The following KDM7A variants were observed in gnomAD, a reference collection of about 807,000 sequenced individuals.
KDM7A encodes lysine demethylase 7A, also known as lysine-specific demethylase 7A.
Under a neutral mutation model 114.8 loss-of-function variants are expected in KDM7A, and 28 were observed. That is an observed-to-expected ratio of 0.24 (90% CI 0.18 to 0.33). The LOEUF (loss-of-function observed/expected upper bound fraction) is 0.33, where lower values mean the gene tolerates loss of function less well. Among genes scored for constraint, KDM7A ranks in the 10% least tolerant of loss-of-function variants. The pLI, the probability that KDM7A is intolerant of heterozygous loss-of-function variation, is 1.00. For missense variants in KDM7A, 942 were observed against 1,142.5 expected (o/e 0.82, Z 2.53); for synonymous variants, 423 against 397.8 (o/e 1.06, Z -0.75).
chr7:140,175,790 G>T (rs1794697680), intron 1 of KDM7A, among the ~76,000 whole-genome samples: 1 of 148,004 alleles, frequency 6.8e-6, no homozygotes, highest in African/African-American at 2.5e-5. Context: ...GCCCCGCAGC[G>T]TCCGCCCGGC....
At chr7:140,161,741 T>A (rs1794521706) in intron 1 of KDM7A, among the ~76,000 whole-genome samples, 1 of 152,014 alleles carries the variant, frequency 6.6e-6, no homozygotes, top group Non-Finnish European at 1.5e-5. Flanking sequence ...AGACGGGGTT[T>A]CACCGTGTTG....
Position 140,091,842 on chromosome 7 carries a change from G to A in KDM7A, c.2693C>T (p.Ala898Val). The change falls in exon 19 of 20, where the codon GCA (alanine) becomes GTA (valine). Residue 898 changes from alanine to valine, a missense_variant. Ala to Val is a moderately conservative substitution (Grantham distance 64, BLOSUM62 0). Transcript: ENST00000397560. The part of the protein sequence containing the change: ...SVPLHPTKRP[A>V]SNPPPISNQA... The stretch of plus-strand genomic sequence containing the variant: ...GTTGCTGATAGGTGGTGGATTTGAT[G>A]CCGGTCTCTTGGTGGGGTGAAGGGG... The A allele has an allele frequency of 1.2e-6, 2 of 1,612,624 alleles. No individual in the cohort carries two copies. The highest frequency in any genetic ancestry group is 1.7e-6 in the Non-Finnish European group (2 of 1,179,630).
In KDM7A at chr7:140,173,521, A is replaced by G. The variant is rs530536762; in HGVS notation, c.194+3223T>C. On this transcript the variant is annotated intron_variant, in intron 1 of 19. Transcript: ENST00000397560. ...AGGCAGAATAAACTAAAATTTATATATATCAAAATGCACTGATTCCTCAGT... is the reference window on the plus strand; with the variant it reads ...AGGCAGAATAAACTAAAATTTATATGTATCAAAATGCACTGATTCCTCAGT... Among the ~76,000 whole-genome samples, 5 of 152,278 alleles carry G rather than the reference A, an allele frequency of 3.3e-5. No individual in the cohort carries two copies. In the East Asian group the frequency reaches 9.6e-4, roughly 29 times the overall value.
At chr7:140,109,046 C>T (rs894981610) in intron 11 of KDM7A, among the ~76,000 whole-genome samples, 12 of 152,200 alleles carry the variant, frequency 7.9e-5, no homozygotes, top group African/African-American at 2.9e-4. Flanking sequence ...GACCAAGGCT[C>T]CGTGGGTGTG....
intron 11 of KDM7A, among the ~76,000 whole-genome samples, chr7:140,107,448 C>G (rs1818357223): frequency 6.6e-6 from 1 of 152,126 alleles, no homozygotes; most frequent in Non-Finnish European, 1.5e-5. Context: ...CCTTCAGGAG[C>G]TCTTGTAAGG....
intron 1 of KDM7A, among the ~76,000 whole-genome samples, chr7:140,143,428 A>C (rs971397190): frequency 6.6e-6 from 1 of 152,166 alleles, no homozygotes; most frequent in Admixed American, 6.5e-5. Context: ...ATTATTGATT[A>C]AACTGTAGAT....
At chr7:140,103,770 T>C (rs1209406059) in intron 11 of KDM7A, among the ~76,000 whole-genome samples, 4 of 152,232 alleles carry the variant, frequency 2.6e-5, no homozygotes, top group Admixed American at 1.3e-4. Context: ...ACAATAAACA[T>C]ACGTGTGCAT....
At chr7:140,125,152 C>T (rs1818679435) in intron 6 of KDM7A, among the ~76,000 whole-genome samples, 1 of 152,180 alleles carries the variant, frequency 6.6e-6, no homozygotes, top group Admixed American at 6.5e-5. Context: ...TACTAAGATC[C>T]ACAGCATAAT....
In KDM7A at chr7:140,176,084, G is replaced by C. The variant is rs1220468477; in HGVS notation, c.194+660C>G. On this transcript the variant is annotated intron_variant, in intron 1 of 19. Coordinates refer to ENST00000397560, the MANE Select transcript of KDM7A (RefSeq NM_030647.2). This position sits in a 1 kb window ranked among gnomAD's most constrained non-coding sequence, Gnocchi z 4.4. ...TCCCCGGCACCTTTCAAGTCCCCGAGAGCGAGTGCCTCATCTGTTGCTCTG... is the reference window on the plus strand; with the variant it reads ...TCCCCGGCACCTTTCAAGTCCCCGACAGCGAGTGCCTCATCTGTTGCTCTG... Among the ~76,000 whole-genome samples the C allele has an allele frequency of 6.6e-6, 1 of 151,936 alleles. No individual in the cohort carries two copies. The highest frequency in any genetic ancestry group is 1.5e-5 in the Non-Finnish European group (1 of 67,928).
intron 9 of KDM7A, among the ~76,000 whole-genome samples, chr7:140,115,942 C>T (rs913905736): frequency 2.0e-5 from 3 of 148,550 alleles, no homozygotes; most frequent in Non-Finnish European, 3.0e-5. Flanking sequence ...CCGATTCTAT[C>T]AATAATCAGG....
chr7:140,105,367 A>G (rs1585141801), intron 11 of KDM7A, among the ~76,000 whole-genome samples: 1 of 152,282 alleles, frequency 6.6e-6, no homozygotes, highest in East Asian at 1.9e-4. Flanking sequence ...GTCTTGTGCC[A>G]GTTTTCAAAG....
intron 17 of KDM7A, among the ~76,000 whole-genome samples, chr7:140,095,138 G>C (rs913520608): frequency 6.6e-6 from 1 of 152,142 alleles, no homozygotes; most frequent in Non-Finnish European, 1.5e-5. Context: ...GTGAACCACT[G>C]CGCCCAGTGA....
At chr7:140,112,693 A>C (rs1471846182) in intron 10 of KDM7A, among the ~76,000 whole-genome samples, 3 of 151,616 alleles carry the variant, frequency 2.0e-5, no homozygotes, top group Admixed American at 2.0e-4. Flanking sequence ...ATTATGTGCA[A>C]AGTTCCATGG....
At chr7:140,091,459 A>C (rs929884895) in intron 19 of KDM7A, among the ~76,000 whole-genome samples, 2 of 152,230 alleles carry the variant, frequency 1.3e-5, no homozygotes. Flanking sequence ...TTAGGCAACA[A>C]AACTGACTAC....
rs1194840755 is a variant in KDM7A at position 140,176,269 on chromosome 7, C to T, written c.194+475G>A. On this transcript the variant is annotated intron_variant, in intron 1 of 19. Transcript: ENST00000397560. The surrounding 1 kb of genome is among the most constrained non-coding windows in gnomAD (Gnocchi z 4.4). ...ACGCGGGGCCGGGGCGACCCCATCGCCGCCCGGAAGGAAGGCAGGCGCGTC... is the reference window on the plus strand; with the variant it reads ...ACGCGGGGCCGGGGCGACCCCATCGTCGCCCGGAAGGAAGGCAGGCGCGTC... Among the ~76,000 whole-genome samples the T allele has an allele frequency of 2.0e-5, 3 of 150,300 alleles. No individual in the cohort carries two copies. The highest frequency in any genetic ancestry group is 4.4e-5 in the Non-Finnish European group (3 of 67,578).
chr7:140,171,859 T>C (rs1163667145), intron 1 of KDM7A, among the ~76,000 whole-genome samples: 2 of 152,068 alleles, frequency 1.3e-5, no homozygotes, highest in Admixed American at 6.6e-5. Flanking sequence ...CCATAGTGTA[T>C]TCTTTTTTAC....
chr7:140,141,755 A>T (rs946134221), intron 1 of KDM7A, among the ~76,000 whole-genome samples: 2 of 151,550 alleles, frequency 1.3e-5, no homozygotes, highest in African/African-American at 4.8e-5. Flanking sequence ...TTAGCCAGGC[A>T]TGTTGGCGCA....
chr7:140,100,685 TATAC>T (rs1245125784), intron 12 of KDM7A, among the ~76,000 whole-genome samples: 1,117 of 37,328 alleles, frequency 0.03, 25 homozygotes, highest in East Asian at 0.055. Context: ...TATATACATA[TATAC>T]ATATATATAT....
At chr7:140,139,767 T>C (rs1794240565) in intron 1 of KDM7A, among the ~76,000 whole-genome samples, 3 of 152,074 alleles carry the variant, frequency 2.0e-5, no homozygotes, top group Admixed American at 2.0e-4. Context: ...AAGACAAAAA[T>C]TGATTCTTTG....
Sources: gnomAD v4.1 joint callset for allele counts (sites outside exome capture counted in the v4.1 genomes callset) on GRCh38, gnomAD v4.1.1 for gene constraint, Gnocchi (gnomAD v3.1) non-coding constraint, MANE v1.5 for transcripts, NCBI Gene and HGNC (gene_info 2026-07-23, HGNC 2026-07-21) for gene names.